The following KANK1 variants were observed in gnomAD, a reference collection of about 807,000 sequenced individuals.
KANK1 encodes KN motif and ankyrin repeat domain-containing protein 1.
In KANK1, 109 loss-of-function variants were observed where a neutral mutation model predicts 106.2. The observed-to-expected ratio is 1.03, with a 90% CI of 0.88 to 1.20. The LOEUF (loss-of-function observed/expected upper bound fraction) is 1.20. Ranked by LOEUF, KANK1 falls within the 50% of genes most tolerant of loss-of-function variation. The probability of loss-of-function intolerance (pLI) is 0.00; values close to 1 mark genes in which losing one functional copy is unlikely to be tolerated. For synonymous variants in KANK1, 873 were observed against 652.2 expected, an observed-to-expected ratio of 1.34 and a Z score of -5.16; for missense variants, 2,399 against 1,710.7, an observed-to-expected ratio of 1.40 and a Z score of -7.10.
chr9:499,606 G>T (rs1463306349), intron 3 of KANK1, among the ~76,000 whole-genome samples: 1 of 152,158 alleles, frequency 6.6e-6, no homozygotes, highest in African/African-American at 2.4e-5. Context: ...TGAAGCAGGG[G>T]CCAGGGAAGA....
chr9:588,527 TA>T (rs1401389901), intron 1 of KANK1, among the ~76,000 whole-genome samples: 1 of 152,116 alleles, frequency 6.6e-6, no homozygotes, highest in Non-Finnish European at 1.5e-5. Context: ...TCAGTAGCAG[TA>T]TATTGAAGTA....
intron 1 of KANK1, among the ~76,000 whole-genome samples, chr9:569,327 A>G (rs1043286555): frequency 6.6e-6 from 1 of 152,102 alleles, no homozygotes; most frequent in Non-Finnish European, 1.5e-5. Context: ...ATGTGGCAAT[A>G]TTGAGAGGTG....
intron 1 of KANK1, among the ~76,000 whole-genome samples, chr9:655,743 G>A (rs924421312): frequency 6.6e-6 from 1 of 152,202 alleles, no homozygotes; most frequent in Admixed American, 6.5e-5. Context: ...ATGTCATTGA[G>A]ATTTCAGATA....
intron 1 of KANK1, among the ~76,000 whole-genome samples, chr9:627,219 T>C (rs1834560425): frequency 6.6e-6 from 1 of 152,160 alleles, no homozygotes; most frequent in Admixed American, 6.5e-5. Flanking sequence ...TCCAGAAACC[T>C]GTGATGGATG....
intron 2 of KANK1, among the ~76,000 whole-genome samples, chr9:472,680 G>C (rs546628808): frequency 6.6e-6 from 1 of 152,180 alleles, no homozygotes; most frequent in African/African-American, 2.4e-5. Context: ...CCAGCTGCAA[G>C]GACTGGTTAC....
chr9:611,183 C>G (rs576513506), intron 1 of KANK1, among the ~76,000 whole-genome samples: 1 of 152,288 alleles, frequency 6.6e-6, no homozygotes, highest in African/African-American at 2.4e-5. Flanking sequence ...TGTCAGCCCC[C>G]TGAGTTCCAT....
intron 1 of KANK1, among the ~76,000 whole-genome samples, chr9:577,360 C>G (rs561780911): frequency 1.3e-5 from 2 of 152,144 alleles, no homozygotes; most frequent in East Asian, 1.9e-4. Flanking sequence ...ATTTACAAAC[C>G]TTTAGCTAGA....
chr9:689,051 A>G (rs968030870), intron 2 of KANK1, among the ~76,000 whole-genome samples: 1 of 152,150 alleles, frequency 6.6e-6, no homozygotes, highest in Non-Finnish European at 1.5e-5. Flanking sequence ...ATCTAAGTTA[A>G]GGTCTTAATG....
chr9:582,291 TTTG>T (rs1206065841), intron 1 of KANK1, among the ~76,000 whole-genome samples: 13 of 152,154 alleles, frequency 8.5e-5, no homozygotes, highest in African/African-American at 1.2e-4. Flanking sequence ...GAGGCATTTC[TTTG>T]TTGTTGTTGT....
At chr9:550,300 T>C (rs1007985637) in intron 1 of KANK1, among the ~76,000 whole-genome samples, 1 of 152,214 alleles carries the variant, frequency 6.6e-6, no homozygotes, top group Non-Finnish European at 1.5e-5. Context: ...AAAGCCGTTA[T>C]AGGGTGTTTA....
chr9:613,600 C>T (rs12552919), intron 1 of KANK1, among the ~76,000 whole-genome samples: 5,943 of 152,134 alleles, frequency 0.039, 170 homozygotes, highest in Middle Eastern at 0.085. Context: ...TTTACATTCT[C>T]CTGTTGTATT....
intron 3 of KANK1, among the ~76,000 whole-genome samples, chr9:479,230 G>C (rs1215826068): frequency 6.6e-6 from 1 of 152,202 alleles, no homozygotes; most frequent in Admixed American, 6.5e-5. Flanking sequence ...AATGTTAACA[G>C]ACGCATAAGC....
At chr9:710,615 C>CAAAAAAAAAAAAAAAA (rs1222306010) in intron 2 of KANK1, among the ~76,000 whole-genome samples, 189 bp from the exon 3 acceptor site, 1 of 36,036 alleles carries the variant, frequency 2.8e-5, no homozygotes, top group Non-Finnish European at 5.0e-5. Context: ...TGACCTGTCT[C>CAAAAAAAAAAAAAAAA]AAAAAAAAAA....
chr9:656,444 C>A (rs1842160859), intron 1 of KANK1, among the ~76,000 whole-genome samples: 1 of 152,080 alleles, frequency 6.6e-6, no homozygotes, highest in Admixed American at 6.5e-5. Context: ...AGTGGTCTTC[C>A]CTTTTGCCTC....
chr9:509,871 G>C (rs906214701), intron 1 of KANK1, among the ~76,000 whole-genome samples: 1 of 152,050 alleles, frequency 6.6e-6, no homozygotes, highest in Non-Finnish European at 1.5e-5. Flanking sequence ...ATCAGAGCTC[G>C]CTGTAACCGT....
intron 1 of KANK1, among the ~76,000 whole-genome samples, chr9:656,815 C>T (rs1294454419): frequency 6.6e-6 from 1 of 152,098 alleles, no homozygotes; most frequent in African/African-American, 2.4e-5. Flanking sequence ...TAAAGGATAG[C>T]AACATAAGGC....
intron 2 of KANK1, among the ~76,000 whole-genome samples, chr9:472,160 A>G (rs760227359): frequency 3.3e-5 from 5 of 152,214 alleles, no homozygotes; most frequent in Non-Finnish European, 7.3e-5. Flanking sequence ...ACAGCCTCTT[A>G]TAGAGAGCTG....
At position 712,890 on chromosome 9, in the gene KANK1, C is replaced by T. The variant is rs766144726; in HGVS notation, c.2124C>T (p.Ser708=). The stretch of plus-strand genomic sequence containing the variant: ...TAAGCACTTTGGACAAGCAGACCAG[C>T]ACCCAGACTGTGGAGACGCGGACAG... ...TCLSTLDKQT[S]TQTVETRTVA... Residue 708 remains serine (S), a synonymous_variant, in exon 3 of 12, where the codon AGC becomes AGT. Transcript: ENST00000382297. The T allele has an allele frequency of 1.2e-6, 2 of 1,614,002 alleles. No individual in the cohort carries two copies. The highest frequency in any genetic ancestry group is 2.2e-5 in the East Asian group (1 of 44,856).
chr9:679,583 T>A (rs1007949768), intron 2 of KANK1, among the ~76,000 whole-genome samples: 8 of 152,084 alleles, frequency 5.3e-5, no homozygotes, highest in African/African-American at 1.9e-4. Flanking sequence ...CCTGGCCAAT[T>A]TTTGTATTTT....
Sources: gnomAD v4.1 joint callset for allele counts (sites outside exome capture counted in the v4.1 genomes callset) on GRCh38, gnomAD v4.1.1 for gene constraint, MANE v1.5 for transcripts, NCBI Gene and HGNC (gene_info 2026-07-23, HGNC 2026-07-21) for gene names.